Variants in PRDM2 observed in about 807,000 individuals in gnomAD.
PRDM2 encodes the protein PR domain zinc finger protein 2.
A neutral mutation model predicts 130.0 loss-of-function variants in PRDM2; 30 were observed. That is an observed-to-expected ratio of 0.23 (90% confidence interval 0.17 to 0.31). The LOEUF is 0.31. Among genes scored for constraint, PRDM2 ranks in the 10% least tolerant of loss-of-function variants. PRDM2 has a pLI of 1.00. For missense variants in PRDM2, 2,011 were observed against 2,108.4 expected (o/e 0.95, Z 0.90); for synonymous variants, 871 against 782.4 (o/e 1.11, Z -1.89).
chr1:13,756,965 T>C (rs1259615494), intron 6 of PRDM2, among the ~76,000 whole-genome samples: 1 of 152,258 alleles, frequency 6.6e-6, no homozygotes, highest in Non-Finnish European at 1.5e-5. Context: ...TCTGTCTGTC[T>C]AAATCCAGTT....
intron 2 of PRDM2, chr1:13,717,380 A>G (rs981772547): frequency 2.0e-6 from 2 of 984,530 alleles, no homozygotes; most frequent in Admixed American, 1.2e-4. Context: ...TCTGCAGTCT[A>G]GGAACTGTTT....
intron 7 of PRDM2, among the ~76,000 whole-genome samples, chr1:13,777,929 G>C (rs1644514629): frequency 6.6e-6 from 1 of 152,088 alleles, no homozygotes; most frequent in Non-Finnish European, 1.5e-5. Flanking sequence ...ATTTAAGAGG[G>C]AGAGAGGATC....
At chr1:13,722,850 CA>C (rs1642777414) in intron 2 of PRDM2, 1 of 516,520 alleles carries the variant, frequency 1.9e-6, no homozygotes, top group Admixed American at 1.9e-5. Flanking sequence ...CGTTTTGAAT[CA>C]GATACTTTGT....
At chr1:13,812,171 G>A (rs948017110) in intron 8 of PRDM2, among the ~76,000 whole-genome samples, 24 of 151,894 alleles carry the variant, frequency 1.6e-4, no homozygotes, top group Non-Finnish European at 3.2e-4. Flanking sequence ...AGGGTGCAGC[G>A]TCGAAGTGGG....
rs1413785485 is a variant in PRDM2 at position 13,793,056 on chromosome 1, G to A, written c.5036+10225G>A. On this transcript the variant is annotated intron_variant, in intron 8 of 9. Transcript: ENST00000311066. Reference sequence around the variant, plus strand: ...AACTGTTGTGTCCCCCAAATGAGATGCTGATGGCCAGAGAGCAGTTTTACT... The same window carrying A: ...AACTGTTGTGTCCCCCAAATGAGATACTGATGGCCAGAGAGCAGTTTTACT... 1.3e-5 allele frequency among the ~76,000 whole-genome samples: 2 copies of A among 152,228 alleles called. 1 individual carries two copies. Among genetic ancestry groups the A allele is most frequent in the African/African-American group, 4.8e-5 (2 of 41,460 alleles).
intron 8 of PRDM2, among the ~76,000 whole-genome samples, chr1:13,807,402 C>A (rs565789071): frequency 6.6e-6 from 1 of 152,354 alleles, no homozygotes; most frequent in African/African-American, 2.4e-5. Context: ...AATGCGCCCC[C>A]TCATGGAGCC....
At chr1:13,789,444 C>T (rs1018363141) in intron 8 of PRDM2, among the ~76,000 whole-genome samples, 3 of 152,152 alleles carry the variant, frequency 2.0e-5, no homozygotes, top group Non-Finnish European at 2.9e-5. Flanking sequence ...TCCTGACTTC[C>T]GTGGGGCTTG....
intron 8 of PRDM2, chr1:13,783,295 A>G (rs1256130330): frequency 7.8e-6 from 3 of 383,714 alleles, no homozygotes; most frequent in East Asian, 7.0e-5. Flanking sequence ...AGTACCTGAC[A>G]CTTTCTTTCA....
intron 2 of PRDM2, among the ~76,000 whole-genome samples, chr1:13,725,433 G>T (rs1348474172): frequency 1.3e-5 from 2 of 152,154 alleles, no homozygotes; most frequent in East Asian, 3.9e-4. Context: ...TTGAACTCCT[G>T]ACCTCAAGTG....
Position 13,780,604 on chromosome 1 carries a change from A to G in PRDM2, c.2809A>G (p.Thr937Ala), listed in dbSNP as rs1316533068. 3.1e-6 allele frequency: 5 copies of G among 1,613,694 alleles called. No homozygotes were observed. The African/African-American group carries it at 4.0e-5, about 13-fold the overall frequency. ...LGPGSGFPAP[T>A]VESTPDVCPS... is the part of the protein sequence containing the mutation. The stretch of plus-strand genomic sequence containing the variant: ...TCCGGGCTCTGGTTTCCCTGCCCCT[A>G]CTGTTGAGTCCACACCTGATGTTTG... The change falls in exon 8 of 10, where the codon ACT becomes GCT. Residue 937 changes from threonine to alanine, a missense_variant. Transcript: ENST00000311066.
chr1:13,773,235 C>G, intron 7 of PRDM2, 47 bp downstream of exon 7: 1 of 1,130,316 alleles, frequency 8.8e-7, no homozygotes, highest in Non-Finnish European at 1.2e-6. Flanking sequence ...TGTATGTACC[C>G]AGTGAATTTA....
intron 2 of PRDM2, among the ~76,000 whole-genome samples, chr1:13,716,046 A>C (rs898748531): frequency 6.6e-6 from 1 of 152,132 alleles, no homozygotes; most frequent in African/African-American, 2.4e-5. Flanking sequence ...CTTGGAACCA[A>C]CCCAAATGTC....
intron 8 of PRDM2, chr1:13,787,097 G>C: frequency 2.0e-6 from 2 of 985,426 alleles, no homozygotes; most frequent in Non-Finnish European, 2.4e-6. Context: ...TAGATTGCCA[G>C]CGTAATGGAG....
intron 2 of PRDM2, chr1:13,717,288 A>G (rs1183345824): frequency 1.8e-5 from 5 of 277,664 alleles, no homozygotes; most frequent in Non-Finnish European, 2.7e-5. Context: ...TTATACTCAT[A>G]TATATTTCAT....
rs1570011969 is a variant in PRDM2 at position 13,780,895 on chromosome 1, A to G, written c.3100A>G (p.Ile1034Val). The change falls in exon 8 of 10, where the codon ATT (isoleucine) becomes GTT (valine). Residue 1034 changes from isoleucine (I) to valine (V), a missense_variant. Ile to Val is a conservative substitution (Grantham distance 29). Transcript: ENST00000311066. ...AACAGTGTCCCCCTCTCCCTCTCCC[A>G]TTCCTCCCGTGGAGCCCCTGATGTC... ...SPTVSPSPSP[I>V]PPVEPLMSAA... The G allele has an allele frequency of 2.5e-6, 4 of 1,596,968 alleles. No homozygotes were observed. Among genetic ancestry groups the G allele is most frequent in the Non-Finnish European group, 2.6e-6 (3 of 1,175,026 alleles).
intron 8 of PRDM2, among the ~76,000 whole-genome samples, chr1:13,815,094 G>A (rs186807177): frequency 1.7e-4 from 26 of 152,116 alleles, no homozygotes; most frequent in Non-Finnish European, 3.1e-4. Context: ...TTACTCAGTG[G>A]ATGTTTGTTT....
chr1:13,791,150 A>G (rs926391752), intron 8 of PRDM2, among the ~76,000 whole-genome samples: 1 of 151,870 alleles, frequency 6.6e-6, no homozygotes, highest in Non-Finnish European at 1.5e-5. Flanking sequence ...TCTTCTAAAT[A>G]TAGAAAACAG....
chr1:13,750,564 G>C (rs1643797422), intron 6 of PRDM2, among the ~76,000 whole-genome samples: 1 of 152,110 alleles, frequency 6.6e-6, no homozygotes, highest in South Asian at 2.1e-4. Flanking sequence ...CGGCATTAAG[G>C]AATGTAGGCA....
chr1:13,781,053 C>T lies in PRDM2; in HGVS notation c.3258C>T (p.Ser1086=), dbSNP rs768998707. 1.2e-6 allele frequency: 2 copies of T among 1,612,036 alleles called. No individual in the cohort carries two copies. Among genetic ancestry groups the T allele is most frequent in the Admixed American group, 1.7e-5 (1 of 59,964 alleles). Residue 1086 remains serine, a synonymous_variant, in exon 8 of 10, where the codon TCC becomes TCT. Transcript: ENST00000311066. The surrounding 1 kb of genome is among the most constrained non-coding windows in gnomAD (Gnocchi z 6.1). ...TCTCCGCAATATCATCTGTTGTTTC[C>T]TCTGGTGATAATCTGGAGGCTTCTC... ...PPLSAISSVV[S]SGDNLEASLP...
Sources: gnomAD v4.1 joint callset for allele counts (sites outside exome capture counted in the v4.1 genomes callset) on GRCh38, gnomAD v4.1.1 for gene constraint, Gnocchi (gnomAD v3.1) non-coding constraint, MANE v1.5 for transcripts, NCBI Gene and HGNC (gene_info 2026-07-23, HGNC 2026-07-21) for gene names.